Variants in ELOC observed in about 807,000 individuals in gnomAD.
ELOC encodes elongin-C.
For missense variants in ELOC, 38 were observed against 139.0 expected (o/e 0.27, Z 3.65); for synonymous variants, 40 against 51.3 (o/e 0.78, Z 0.94).
intron 1 of ELOC, among the ~76,000 whole-genome samples, chr8:73,970,332 T>A: frequency 6.6e-6 from 1 of 152,164 alleles, no homozygotes; most frequent in East Asian, 1.9e-4. Flanking sequence ...AAGATAAACA[T>A]TTTAGAAGAT....
chr8:73,948,795 A>G (rs1237074338), intron 3 of ELOC, among the ~76,000 whole-genome samples: 1 of 152,154 alleles, frequency 6.6e-6, no homozygotes, highest in African/African-American at 2.4e-5. Flanking sequence ...TGATGGCGCC[A>G]CTGTACTCCA....
rs142448092 is a variant in ELOC, at chr8:73,958,063, G to A, written c.4+1702C>T. Among the ~76,000 whole-genome samples the A allele has an allele frequency of 4.3e-3, 643 of 150,840 alleles. 3 individuals are homozygous for A. The highest frequency in any genetic ancestry group is 0.026 in the South Asian group (124 of 4,776). ...AGTGCTGGGATTACAGGCATGAGCC[G>A]CTGCACCCGGACTACTTATTTATTT... is the stretch of plus-strand genomic sequence containing the variant. On this transcript the variant is annotated intron_variant, in intron 2 of 3. Coordinates refer to ENST00000520242, the MANE Select transcript of ELOC (RefSeq NM_005648.4).
intron 1 of ELOC, among the ~76,000 whole-genome samples, chr8:73,965,385 AGTCCATCATAAT>A (rs147183463): frequency 0.23 from 35,356 of 152,026 alleles, 4,383 homozygotes; most frequent in Non-Finnish European, 0.29. Flanking sequence ...GCTGATGGGG[AGTCCATCATAAT>A]AGGAGAATGG....
At chr8:73,956,183 G>A in intron 2 of ELOC, 129 bp from the exon 3 acceptor site, 1 of 805,682 alleles carries the variant, frequency 1.2e-6, no homozygotes, top group African/African-American at 1.7e-5. Context: ...CTGAGGTCAG[G>A]AGTTCAAGAC....
intron 3 of ELOC, among the ~76,000 whole-genome samples, chr8:73,949,601 C>T (rs933119206): frequency 2.0e-5 from 3 of 152,178 alleles, no homozygotes; most frequent in East Asian, 1.9e-4. Flanking sequence ...ATCTGCTTTC[C>T]GTCTCTATGG....
At chr8:73,969,721 G>A (rs1815229797) in intron 1 of ELOC, 2 of 152,094 alleles carry the variant, frequency 1.3e-5, no homozygotes, top group Non-Finnish European at 2.9e-5. Flanking sequence ...CCTTAACCTT[G>A]CTATATTTTT....
chr8:73,955,430 A>AC (rs1282805613), intron 3 of ELOC: 1 of 154,400 alleles, frequency 6.5e-6, no homozygotes, highest in African/African-American at 2.4e-5. Context: ...ACATAGGGAA[A>AC]CCCCGTCTCT....
chr8:73,959,426 G>GT (rs754350126), intron 2 of ELOC, among the ~76,000 whole-genome samples: 28 of 152,138 alleles, frequency 1.8e-4, no homozygotes, highest in Admixed American at 3.9e-4. Flanking sequence ...TTAAAAAATT[G>GT]TAATTTTTGT....
chr8:73,968,523 T>G (rs1815145225), intron 1 of ELOC, among the ~76,000 whole-genome samples: 2 of 152,236 alleles, frequency 1.3e-5, no homozygotes, highest in African/African-American at 4.8e-5. Context: ...AATCATAGAT[T>G]CTACATATTA....
intron 1 of ELOC, among the ~76,000 whole-genome samples, chr8:73,962,891 T>C (rs1814701578): frequency 6.6e-6 from 1 of 152,238 alleles, no homozygotes; most frequent in Non-Finnish European, 1.5e-5. Flanking sequence ...AGGTAGAAGT[T>C]AGAAATATTT....
At chr8:73,953,467 G>A (rs1025359999) in intron 3 of ELOC, among the ~76,000 whole-genome samples, 20 of 151,694 alleles carry the variant, frequency 1.3e-4, no homozygotes, top group African/African-American at 4.6e-4. Flanking sequence ...ACCTGAGGCC[G>A]GGAATTCGAG....
chr8:73,948,882 AAAG>A (rs1358628682), intron 3 of ELOC, among the ~76,000 whole-genome samples: 3 of 152,162 alleles, frequency 2.0e-5, no homozygotes, highest in Admixed American at 1.3e-4. Flanking sequence ...CAAGCAAGCA[AAAG>A]AAACATTTCA....
At chr8:73,971,454 A>G (rs1815396570) in intron 1 of ELOC, among the ~76,000 whole-genome samples, 1 of 152,214 alleles carries the variant, frequency 6.6e-6, no homozygotes, top group Non-Finnish European at 1.5e-5. Flanking sequence ...AATGTGGAGT[A>G]GAAATGCTCA....
chr8:73,950,639 T>G (rs1322950600), intron 3 of ELOC, among the ~76,000 whole-genome samples: 1 of 152,194 alleles, frequency 6.6e-6, no homozygotes, highest in East Asian at 1.9e-4. Context: ...CCTGACAACC[T>G]GGAACCCACT....
At chr8:73,959,490 C>T (rs1404378756) in intron 2 of ELOC, among the ~76,000 whole-genome samples, 1 of 152,088 alleles carries the variant, frequency 6.6e-6, no homozygotes, top group Non-Finnish European at 1.5e-5. Context: ...TTAGCCTAGG[C>T]CTATACAAGG....
At chr8:73,967,746 G>A (rs1815091366) in intron 1 of ELOC, among the ~76,000 whole-genome samples, 3 of 152,196 alleles carry the variant, frequency 2.0e-5, no homozygotes, top group Admixed American at 6.5e-5. Context: ...GGGATTACAG[G>A]CGTGAGCCAC....
intron 1 of ELOC, among the ~76,000 whole-genome samples, chr8:73,960,261 G>T (rs185617724): frequency 6.6e-6 from 1 of 152,090 alleles, no homozygotes; most frequent in African/African-American, 2.4e-5. Flanking sequence ...AAAGGCCTCC[G>T]TTGAAAATCC....
intron 1 of ELOC, among the ~76,000 whole-genome samples, chr8:73,968,527 C>T (rs938810911): frequency 2.0e-5 from 3 of 152,252 alleles, no homozygotes; most frequent in Admixed American, 6.5e-5. Flanking sequence ...ATAGATTCTA[C>T]ATATTAACAG....
chr8:73,967,932 G>A (rs1486980536), intron 1 of ELOC, among the ~76,000 whole-genome samples: 1 of 152,160 alleles, frequency 6.6e-6, no homozygotes. Flanking sequence ...TTCTTAATCT[G>A]CAGTCCCCCA....
Sources: allele counts gnomAD v4.1 joint callset (sites outside exome capture counted in the v4.1 genomes callset), GRCh38; gene constraint gnomAD v4.1.1; transcripts MANE v1.5; gene names NCBI Gene and HGNC (gene_info 2026-07-23, HGNC 2026-07-21).